BMPER: variants seen among roughly 807,000 people sequenced by gnomAD.
The protein encoded by BMPER is BMP-binding endothelial regulator protein.
Under a neutral mutation model 87.3 loss-of-function variants are expected in BMPER, and 45 were observed. The observed-to-expected ratio is 0.52, with a 90% CI of 0.41 to 0.66. The LOEUF (loss-of-function observed/expected upper bound fraction) is 0.66, where lower values mean the gene tolerates loss of function less well. Ranked by LOEUF, BMPER falls within the 30% of genes least tolerant of loss-of-function variation. The pLI, the probability that BMPER is intolerant of heterozygous loss-of-function variation, is 0.00. For synonymous variants in BMPER, 326 were observed against 316.2 expected (o/e 1.03, Z -0.33); for missense variants, 784 against 867.5 (o/e 0.90, Z 1.21).
At chr7:34,105,490 A>G (rs1036786870) in intron 13 of BMPER, among the ~76,000 whole-genome samples, 1 of 152,200 alleles carries the variant, frequency 6.6e-6, no homozygotes, top group Non-Finnish European at 1.5e-5. Context: ...AACCAAGTTC[A>G]CCATAGAGGG....
intron 2 of BMPER, among the ~76,000 whole-genome samples, chr7:33,910,707 C>T (rs1004878926): frequency 2.0e-5 from 3 of 152,192 alleles, no homozygotes; most frequent in African/African-American, 7.2e-5. Context: ...TTCAATGTTA[C>T]AAGAATCAGG....
chr7:34,052,105 A>G, intron 8 of BMPER, 135 bp downstream of exon 8: 1 of 830,300 alleles, frequency 1.2e-6, no homozygotes, highest in African/African-American at 1.7e-5. Flanking sequence ...TTACAAGGAA[A>G]ATCATACTCA....
chr7:34,143,139 T>A, intron 13 of BMPER, 91 bp from the exon 14 acceptor site: 1 of 1,578,960 alleles, frequency 6.3e-7, no homozygotes, highest in Non-Finnish European at 8.6e-7. Context: ...CCAATCAGGT[T>A]TTCCCATCTA....
chr7:34,090,721 C>T (rs1046910641), intron 13 of BMPER, among the ~76,000 whole-genome samples: 4 of 152,134 alleles, frequency 2.6e-5, no homozygotes, highest in Admixed American at 2.6e-4. Flanking sequence ...TATAACTTGC[C>T]CACAAAGCAG....
At chr7:34,067,198 G>C (rs1003450425) in intron 11 of BMPER, 2 of 152,120 alleles carry the variant, frequency 1.3e-5, no homozygotes, top group African/African-American at 2.4e-5. Context: ...AACCCCCCAG[G>C]GTTGGTTTCC....
In BMPER at chr7:33,970,775, G is replaced by A. The variant is rs115764807; in HGVS notation, c.493+356G>A. Among the ~76,000 whole-genome samples the A allele has an allele frequency of 3.3e-3, 508 of 152,264 alleles. 5 individuals are homozygous for A. Among genetic ancestry groups the A allele is most frequent in the African/African-American group, 0.012 (479 of 41,552 alleles). On this transcript the variant is annotated intron_variant, in intron 5 of 14. Coordinates refer to ENST00000649409, the MANE Select transcript of BMPER (RefSeq NM_001365308.1). The stretch of plus-strand genomic sequence containing the variant: ...AAAATCCTGGCCAGAGCTCGCCATG[G>A]TGATGAGGTGACCAGATGTTTTCTG...
chr7:33,994,626 C>T (rs894448595), intron 6 of BMPER, among the ~76,000 whole-genome samples: 6 of 152,176 alleles, frequency 3.9e-5, no homozygotes, highest in Non-Finnish European at 7.4e-5. Context: ...TGTTCCTATT[C>T]GGCCATCTTG....
Position 33,905,578 on chromosome 7 carries a change from G to A in BMPER, c.-36G>A, listed in dbSNP as rs1382816033. The A allele has an allele frequency of 1.2e-6, 2 of 1,607,306 alleles. No homozygotes were observed. Among genetic ancestry groups the A allele is most frequent in the African/African-American group, 1.3e-5 (1 of 74,792 alleles). On this transcript the variant is annotated 5_prime_UTR_variant, in exon 1 of 15. Transcript: ENST00000649409. ...GCAGCTGAGCAGAGGCGGCGGCGCG[G>A]GACCTGCAGTCGCCAGGGATTCCCT...
intron 6 of BMPER, among the ~76,000 whole-genome samples, chr7:34,001,200 G>A (rs1585724880): frequency 6.6e-6 from 1 of 151,812 alleles, no homozygotes; most frequent in East Asian, 1.9e-4. Flanking sequence ...AGGTTGGGAA[G>A]TGTTCTCTAC....
intron 14 of BMPER, among the ~76,000 whole-genome samples, chr7:34,145,268 C>G (rs1583480226): frequency 6.6e-6 from 1 of 152,090 alleles, no homozygotes; most frequent in Non-Finnish European, 1.5e-5. Context: ...CCCCTTGGTG[C>G]AGTCACTAGT....
chr7:34,051,812 G>A, intron 7 of BMPER, 49 bp from the exon 8 acceptor site: 1 of 1,473,774 alleles, frequency 6.8e-7, no homozygotes. Context: ...GACAAAATGG[G>A]ACATCCCCGA....
intron 3 of BMPER, among the ~76,000 whole-genome samples, chr7:33,957,698 T>C (rs1785181656): frequency 6.6e-6 from 1 of 152,192 alleles, no homozygotes; most frequent in Admixed American, 6.5e-5. Flanking sequence ...GAGTTAACAC[T>C]GGAGGAGGTT....
chr7:33,973,715 GC>G (rs1290784930), intron 5 of BMPER, among the ~76,000 whole-genome samples: 1 of 152,186 alleles, frequency 6.6e-6, no homozygotes, highest in African/African-American at 2.4e-5. Flanking sequence ...GCTAAGTTTT[GC>G]CCACTGCTAG....
In BMPER at chr7:34,155,884, A is replaced by C. The variant is rs958706378; in HGVS notation, c.*2611A>C. The C allele has an allele frequency of 6.6e-6, 1 of 152,186 alleles. No homozygotes were observed. The highest frequency in any genetic ancestry group is 2.4e-5 in the African/African-American group (1 of 41,454). 9.4% of individuals were successfully genotyped at this position (152,186 alleles called of 1,614,324 possible). A position where few individuals can be genotyped will look rare whatever the true frequency, so the allele number is the denominator to read the frequency against. Reference sequence around the variant, plus strand: ...TTCTATGAATATTGAATTTGATGAGAAACAAGCACCCTCAATGAAGAACAA... The same window carrying C: ...TTCTATGAATATTGAATTTGATGAGCAACAAGCACCCTCAATGAAGAACAA... On this transcript the variant is annotated 3_prime_UTR_variant, in exon 15 of 15. Coordinates refer to ENST00000649409, the MANE Select transcript of BMPER (RefSeq NM_001365308.1).
intron 7 of BMPER, among the ~76,000 whole-genome samples, chr7:34,050,966 A>G (rs748923318): frequency 2.6e-5 from 4 of 152,274 alleles, no homozygotes; most frequent in Non-Finnish European, 5.9e-5. Context: ...ATGCTATCTT[A>G]GTCTGTTTAG....
Position 34,061,900 on chromosome 7 carries a change from G to T in BMPER, c.1033-102G>T. Reference sequence around the variant, plus strand: ...AAATACAGCTTGGACTGATTTCATTGGTTTATCTTGTATTAGATTTTAAAA... The same window carrying T: ...AAATACAGCTTGGACTGATTTCATTTGTTTATCTTGTATTAGATTTTAAAA... On this transcript the variant is annotated intron_variant, in intron 10 of 14. Transcript: ENST00000649409. The T allele has an allele frequency of 4.1e-6, 4 of 970,636 alleles. No homozygotes were observed. In the Admixed American group the frequency reaches 9.6e-5, roughly 23 times the overall value. 60.1% of individuals were successfully genotyped at this position (970,636 alleles called of 1,614,324 possible).
rs141416777 is a variant in BMPER, at chr7:33,984,644, G to A, written c.576+9860G>A. ...CTCCTGGTAGATGGAAGGAGAAATT[G>A]TGTCATTGCTTTTGAAGTTACTTTC... On this transcript the variant is annotated intron_variant, in intron 6 of 14. Coordinates refer to ENST00000649409, the MANE Select transcript of BMPER (RefSeq NM_001365308.1). Among the ~76,000 whole-genome samples, 1,158 of 152,290 alleles carry A rather than the reference G, an allele frequency of 7.6e-3. 16 individuals carry two copies. The highest frequency in any genetic ancestry group is 0.027 in the African/African-American group (1,109 of 41,574).
chr7:34,039,864 TC>T (rs749293256), intron 6 of BMPER, among the ~76,000 whole-genome samples: 5 of 152,050 alleles, frequency 3.3e-5, no homozygotes, highest in Non-Finnish European at 7.4e-5. Flanking sequence ...TGGCAGCTCA[TC>T]AGGAACACAT....
At chr7:33,909,727 A>G (rs928784751) in intron 2 of BMPER, among the ~76,000 whole-genome samples, 3 of 151,796 alleles carry the variant, frequency 2.0e-5, no homozygotes, top group Non-Finnish European at 4.4e-5. Context: ...ACGTATGCTT[A>G]AAAAAGATGT....
Sources: allele counts gnomAD v4.1 joint callset (sites outside exome capture counted in the v4.1 genomes callset), GRCh38; gene constraint gnomAD v4.1.1; transcripts MANE v1.5; gene names NCBI Gene and HGNC (gene_info 2026-07-23, HGNC 2026-07-21).